SPTBN1: variants seen among roughly 807,000 people sequenced by gnomAD.
SPTBN1 encodes the protein spectrin beta, non-erythrocytic 1, also known as spectrin beta chain, non-erythrocytic 1.
In SPTBN1, 32 loss-of-function variants were observed where a neutral mutation model predicts 266.4. The ratio of observed to expected loss-of-function variants is 0.12; its 90% CI spans 0.09 to 0.16. The LOEUF is 0.16. Among genes scored for constraint, SPTBN1 ranks in the 10% least tolerant of loss-of-function variants. The pLI, the probability that SPTBN1 is intolerant of heterozygous loss-of-function variation, is 1.00. For synonymous variants in SPTBN1, 1,336 were observed against 1,162.2 expected (o/e 1.15, Z -3.04); for missense variants, 2,296 against 3,067.1 (o/e 0.75, Z 5.94).
At chr2:54,468,272 G>A (rs1247360902) in intron 1 of SPTBN1, among the ~76,000 whole-genome samples, 3 of 151,300 alleles carry the variant, frequency 2.0e-5, no homozygotes, top group Non-Finnish European at 2.9e-5. Context: ...GCACCATTGC[G>A]CTCCAGCCTG....
chr2:54,558,758 CG>C lies in SPTBN1; in HGVS notation c.148+32196del. 1 of 1,608,734 alleles carries C rather than the reference CG, an allele frequency of 6.2e-7. No homozygotes were observed. Among genetic ancestry groups the C allele is most frequent in the South Asian group, 1.1e-5 (1 of 90,452 alleles). On this transcript the variant is annotated intron_variant, in intron 2 of 35. Transcript: ENST00000356805. The surrounding 1 kb of genome is among the most constrained non-coding windows in gnomAD (Gnocchi z 4.6). ...GCGAGATTTCCAGGGCGCAGTCCTC[CG>C]GGGCGTTACGCCGGGCATAATGGAA...
intron 3 of SPTBN1, among the ~76,000 whole-genome samples, chr2:54,607,088 G>A (rs1435888907): frequency 6.6e-6 from 1 of 152,208 alleles, no homozygotes; most frequent in African/African-American, 2.4e-5. Flanking sequence ...TTGGGGTAAG[G>A]AGGATATCAC....
chr2:54,499,790 C>A (rs1558782424), intron 1 of SPTBN1, among the ~76,000 whole-genome samples: 1 of 152,176 alleles, frequency 6.6e-6, no homozygotes, highest in African/African-American at 2.4e-5. Context: ...TTCCCCCTTC[C>A]TTTAGCCCAT....
Position 54,655,908 on chromosome 2 carries a change from A to G in SPTBN1, c.5962-6A>G, listed in dbSNP as rs1558475890. On this transcript the variant is annotated splice_region_variant and splice_polypyrimidine_tract_variant and intron_variant, in intron 28 of 35. Coordinates refer to ENST00000356805, the MANE Select transcript of SPTBN1 (RefSeq NM_003128.3). ...AGATGTCCCGGGGATCCTCTTTTTC[A>G]TACAGATCAAGGAAAAATTACTGCA... The G allele has an allele frequency of 6.2e-7, 1 of 1,610,948 alleles. No individual in the cohort carries two copies. Among genetic ancestry groups the G allele is most frequent in the Non-Finnish European group, 8.5e-7 (1 of 1,177,784 alleles).
At chr2:54,496,554 A>G (rs755841384) in intron 1 of SPTBN1, among the ~76,000 whole-genome samples, 8 of 151,966 alleles carry the variant, frequency 5.3e-5, no homozygotes, top group Non-Finnish European at 1.0e-4. Context: ...TTATTTAGTC[A>G]TCAAAACAGT....
At chr2:54,607,898 A>G (rs549192756) in intron 3 of SPTBN1, among the ~76,000 whole-genome samples, 1 of 152,302 alleles carries the variant, frequency 6.6e-6, no homozygotes, top group Admixed American at 6.5e-5. Context: ...AAAGTGAAAA[A>G]TAATAATCTG....
chr2:54,483,700 G>T (rs1365276535), intron 1 of SPTBN1, among the ~76,000 whole-genome samples: 1 of 152,174 alleles, frequency 6.6e-6, no homozygotes, highest in East Asian at 1.9e-4. Flanking sequence ...GAGAATGCAT[G>T]GATCAAAGGC....
Position 54,664,712 on chromosome 2 carries a change from C to T in SPTBN1, c.6659+21C>T, listed in dbSNP as rs756149152. Reference sequence around the variant, plus strand: ...AGCAGGTAACAGCAGCAGAGGCTGCCACAGTAAGATGGGAAGTCAGCCTGT... The same window carrying T: ...AGCAGGTAACAGCAGCAGAGGCTGCTACAGTAAGATGGGAAGTCAGCCTGT... On this transcript the variant is annotated intron_variant, in intron 33 of 35. Coordinates refer to ENST00000356805, the MANE Select transcript of SPTBN1 (RefSeq NM_003128.3). This position sits in a 1 kb window ranked among gnomAD's most constrained non-coding sequence, Gnocchi z 5.6. 1 of 1,609,950 alleles carries T rather than the reference C, an allele frequency of 6.2e-7. No homozygotes were observed.
At chr2:54,637,501 T>A (rs1258930654) in intron 17 of SPTBN1, among the ~76,000 whole-genome samples, 1 of 152,166 alleles carries the variant, frequency 6.6e-6, no homozygotes, top group Non-Finnish European at 1.5e-5. Flanking sequence ...TGTTGTGTGG[T>A]TTGGGCAGAT....
Position 54,649,469 on chromosome 2 carries a change from C to A in SPTBN1, c.5203-146C>A. 2 of 1,313,082 alleles carry A rather than the reference C, an allele frequency of 1.5e-6. No homozygotes were observed. Among genetic ancestry groups the A allele is most frequent in the Non-Finnish European group, 1.0e-6 (1 of 978,128 alleles). 81.3% of individuals were successfully genotyped at this position (1,313,082 alleles called of 1,614,324 possible). ...GGAAACCCAGTTGCTAAGAGGTTCT[C>A]GAGCTAAGATCTATTGTTCTGAAGT... On this transcript the variant is annotated intron_variant, in intron 25 of 35. Transcript: ENST00000356805. The surrounding 1 kb of genome is among the most constrained non-coding windows in gnomAD (Gnocchi z 6.7).
chr2:54,623,645 A>C (rs1176234953), intron 10 of SPTBN1, 49 bp downstream of exon 10: 1 of 1,457,100 alleles, frequency 6.9e-7, no homozygotes, highest in Non-Finnish European at 9.5e-7. Context: ...TGGAGGCTTC[A>C]GGTTCTATCA....
At position 54,621,471 on chromosome 2, in the gene SPTBN1, A is replaced by G; in HGVS notation, c.835A>G (p.Lys279Glu). 2 of 1,614,180 alleles carry G rather than the reference A, an allele frequency of 1.2e-6. No homozygotes were observed. Among genetic ancestry groups the G allele is most frequent in the Non-Finnish European group, 1.7e-6 (2 of 1,180,006 alleles). The change falls in exon 8 of 36, where the codon AAG becomes GAG. Residue 279 changes from lysine (K) to glutamate (E), a missense_variant. Transcript: ENST00000356805. ...GGTGACTTATTACCACTACTTCTCTAAGATGAAGGCCTTAGCTGTTGAAGG... is the reference window on the plus strand; with the variant it reads ...GGTGACTTATTACCACTACTTCTCTGAGATGAAGGCCTTAGCTGTTGAAGG... ...YVVTYYHYFSKMKALAVEGKR... is the reference protein window; with the variant it reads ...YVVTYYHYFSEMKALAVEGKR...
At chr2:54,486,436 C>T (rs551184501) in intron 1 of SPTBN1, among the ~76,000 whole-genome samples, 1 of 152,286 alleles carries the variant, frequency 6.6e-6, no homozygotes, top group South Asian at 2.1e-4. Flanking sequence ...ACCCTGTGCT[C>T]TCTGAACCAT....
At chr2:54,661,026 C>T (rs1002002352) in intron 32 of SPTBN1, 37 of 985,236 alleles carry the variant, frequency 3.8e-5, no homozygotes, top group Non-Finnish European at 4.1e-5. Context: ...CTTGGTGGAC[C>T]GTGCCTGGGA....
At chr2:54,666,458 C>G (rs1202074583) in intron 34 of SPTBN1, among the ~76,000 whole-genome samples, 2 of 152,220 alleles carry the variant, frequency 1.3e-5, no homozygotes, top group Non-Finnish European at 2.9e-5. Context: ...CCAGGAGATG[C>G]TATTCTTTGC....
rs763764601 is a variant in SPTBN1, at chr2:54,624,833, C to T, written c.1212C>T (p.His404=). The change falls in exon 11 of 36, where the codon CAC becomes CAT. Residue 404 remains histidine, a synonymous_variant. Transcript: ENST00000356805. ...KAWERLEKAE[H]ERELALRNEL... ...GGGAAAGACTGGAAAAAGCGGAACACGAAAGAGAACTGGCTTTGCGGAATG... is the reference window on the plus strand; with the variant it reads ...GGGAAAGACTGGAAAAAGCGGAACATGAAAGAGAACTGGCTTTGCGGAATG... The T allele has an allele frequency of 3.2e-5, 51 of 1,613,954 alleles. No individual in the cohort carries two copies. The highest frequency in any genetic ancestry group is 3.3e-4 in the Middle Eastern group (2 of 6,082).
chr2:54,670,661 A>T lies in SPTBN1; in HGVS notation c.*2092A>T. On this transcript the variant is annotated 3_prime_UTR_variant, in exon 36 of 36. Transcript: ENST00000356805. ...TTGTACTCTTGACAAAGCTGTGCAG[A>T]TGGCAATAAGTTCATACCAGCAATC... 2.5e-6 allele frequency: 1 copy of T among 398,664 alleles called. No individual in the cohort carries two copies. Among genetic ancestry groups the T allele is most frequent in the South Asian group, 1.3e-4 (1 of 7,862 alleles). 24.7% of individuals were successfully genotyped at this position (398,664 alleles called of 1,614,324 possible). A position where few individuals can be genotyped will look rare whatever the true frequency, so the allele number is the denominator to read the frequency against.
intron 1 of SPTBN1, among the ~76,000 whole-genome samples, chr2:54,505,312 T>A (rs1669495581): frequency 6.6e-6 from 1 of 152,218 alleles, no homozygotes; most frequent in Admixed American, 6.5e-5. Context: ...TCTGTAGCTA[T>A]CCTGTTGAAT....
At chr2:54,564,734 T>TG (rs969952979) in intron 2 of SPTBN1, among the ~76,000 whole-genome samples, 41 of 152,336 alleles carry the variant, frequency 2.7e-4, no homozygotes, top group Admixed American at 1.2e-3. Context: ...TCCAGGAGGT[T>TG]GGGGAGGTCA....
Sources: allele counts gnomAD v4.1 joint callset (sites outside exome capture counted in the v4.1 genomes callset), GRCh38; gene constraint gnomAD v4.1.1; non-coding constraint Gnocchi (gnomAD v3.1); transcripts MANE v1.5; gene names NCBI Gene and HGNC (gene_info 2026-07-23, HGNC 2026-07-21).